The following SYK variants were observed in gnomAD, a reference collection of about 807,000 sequenced individuals.
SYK encodes the protein spleen associated tyrosine kinase.
Under a neutral mutation model 77.8 loss-of-function variants are expected in SYK, and 16 were observed. The ratio of observed to expected loss-of-function variants is 0.21; its 90% confidence interval spans 0.14 to 0.31. The LOEUF is 0.31. Among genes scored for constraint, SYK ranks in the 10% least tolerant of loss-of-function variants. SYK has a pLI of 1.00. For missense variants in SYK, 529 were observed against 814.4 expected (o/e 0.65, Z 4.26); for synonymous variants, 312 against 308.7 (o/e 1.01, Z -0.11).
At chr9:90,808,450 C>A (rs959994740) in intron 1 of SYK, among the ~76,000 whole-genome samples, 2 of 141,208 alleles carry the variant, frequency 1.4e-5, no homozygotes, top group South Asian at 2.3e-4. Flanking sequence ...GGTATTTCCA[C>A]GTGTGTGTTG....
intron 3 of SYK, among the ~76,000 whole-genome samples, chr9:90,847,937 T>C (rs1826660401): frequency 6.6e-6 from 1 of 152,244 alleles, no homozygotes; most frequent in Non-Finnish European, 1.5e-5. Context: ...AGGAAACACC[T>C]TGGAGGGGTT....
rs201479078 is a variant in SYK, at chr9:90,874,726, C to A, written c.1058C>A (p.Ala353Glu). ...MDTEVYESPY[A>E]DPEEIRPKEV... is the part of the protein sequence containing the mutation. ...ACAGAGGTGTACGAGAGCCCCTACG[C>A]GGACCCCGAGGAGATCAGGCCCAAG... The change falls in exon 9 of 14, where the codon GCG becomes GAG. Residue 353 changes from alanine (A) to glutamate (E), a missense_variant. Coordinates refer to ENST00000375754, the MANE Select transcript of SYK (RefSeq NM_003177.7). The A allele has an allele frequency of 3.7e-6, 6 of 1,614,150 alleles. No homozygotes were observed. Among genetic ancestry groups the A allele is most frequent in the Non-Finnish European group, 4.2e-6 (5 of 1,180,024 alleles).
At chr9:90,869,587 G>A (rs1827650137) in intron 7 of SYK, among the ~76,000 whole-genome samples, 1 of 152,186 alleles carries the variant, frequency 6.6e-6, no homozygotes, top group African/African-American at 2.4e-5. Flanking sequence ...GTCCCATCAT[G>A]TTAGCTAAGA....
rs202064642 is a variant in SYK, at chr9:90,844,126, C to T, written c.228C>T (p.Ile76=). The change falls in exon 2 of 14, where the codon ATC becomes ATT. Residue 76 remains isoleucine, a synonymous_variant. Transcript: ENST00000375754. The part of the protein sequence containing the change: ...IERELNGTYA[I]AGGRTHASPA... ...GGGAGCTGAATGGCACCTACGCCATCGCCGGTGGCAGGACCCATGCCAGCC... is the reference window on the plus strand; with the variant it reads ...GGGAGCTGAATGGCACCTACGCCATTGCCGGTGGCAGGACCCATGCCAGCC... 17 of 1,613,700 alleles carry T rather than the reference C, an allele frequency of 1.1e-5. No homozygotes were observed. The highest frequency in any genetic ancestry group is 6.7e-5 in the African/African-American group (5 of 74,944).
intron 1 of SYK, among the ~76,000 whole-genome samples, chr9:90,838,409 A>G (rs887455066): frequency 1.3e-5 from 2 of 152,234 alleles, no homozygotes; most frequent in African/African-American, 4.8e-5. Flanking sequence ...TTAGGCAGGG[A>G]AGGGAGGTAT....
At chr9:90,894,991 T>C (rs777709533) in intron 13 of SYK, among the ~76,000 whole-genome samples, 5 of 152,206 alleles carry the variant, frequency 3.3e-5, no homozygotes, top group Admixed American at 6.5e-5. Flanking sequence ...TAAGAACCCA[T>C]ATCAACAGCC....
At chr9:90,822,380 A>G (rs914099734) in intron 1 of SYK, among the ~76,000 whole-genome samples, 4 of 152,222 alleles carry the variant, frequency 2.6e-5, no homozygotes, top group African/African-American at 4.8e-5. Context: ...GTCCAGAAGT[A>G]GACAGATCAC....
chr9:90,893,377 TTC>T (rs1245208939), intron 13 of SYK, among the ~76,000 whole-genome samples: 3 of 152,190 alleles, frequency 2.0e-5, no homozygotes, highest in African/African-American at 7.2e-5. Context: ...TCCTAGTATA[TTC>T]TCTGTTTTGT....
At chr9:90,882,886 T>A (rs1037646470) in intron 11 of SYK, among the ~76,000 whole-genome samples, 1 of 151,862 alleles carries the variant, frequency 6.6e-6, no homozygotes, top group African/African-American at 2.4e-5. Context: ...AAATGAGAGA[T>A]CCCCAGGGCT....
At position 90,887,783 on chromosome 9, in the gene SYK, A is replaced by G. The variant is rs749583177; in HGVS notation, c.1616A>G (p.Tyr539Cys). ...CATGGAAAGTGGCCTGTCAAGTGGT[A>G]CGCTCCGGAATGCATCAACTACTAC... ...QTHGKWPVKW[Y>C]APECINYYKF... The change falls in exon 12 of 14, where the codon TAC becomes TGC. Residue 539 changes from tyrosine to cysteine, a missense_variant. Transcript: ENST00000375754. 6.2e-7 allele frequency: 1 copy of G among 1,613,206 alleles called. No homozygotes were observed. The highest frequency in any genetic ancestry group is 8.5e-7 in the Non-Finnish European group (1 of 1,179,574).
At chr9:90,803,653 G>A (rs1268733129) in intron 1 of SYK, among the ~76,000 whole-genome samples, 1 of 151,906 alleles carries the variant, frequency 6.6e-6, no homozygotes, top group Non-Finnish European at 1.5e-5. Flanking sequence ...AGACTTCTTA[G>A]TAGAACTTCA....
intron 3 of SYK, among the ~76,000 whole-genome samples, chr9:90,846,967 A>G (rs1285848546): frequency 6.6e-6 from 1 of 152,224 alleles, no homozygotes; most frequent in Non-Finnish European, 1.5e-5. Flanking sequence ...AGCATAATCC[A>G]CACGATGAGG....
intron 1 of SYK, among the ~76,000 whole-genome samples, chr9:90,843,459 T>G (rs1213330644): frequency 6.6e-6 from 1 of 152,060 alleles, no homozygotes; most frequent in African/African-American, 2.4e-5. Context: ...GGAGGAGCAG[T>G]TGGTTTGTTC....
At chr9:90,813,716 C>T (rs944612919) in intron 1 of SYK, among the ~76,000 whole-genome samples, 1 of 152,140 alleles carries the variant, frequency 6.6e-6, no homozygotes, top group Admixed American at 6.5e-5. Flanking sequence ...TACTGGTTAC[C>T]AGGGAATTGA....
In SYK at chr9:90,834,746, C is replaced by A. The variant is rs150619484; in HGVS notation, c.-41-9112C>A. On this transcript the variant is annotated intron_variant, in intron 1 of 13. Coordinates refer to ENST00000375754, the MANE Select transcript of SYK (RefSeq NM_003177.7). ...GCTTTCTTAGAACATTATGAGATTT[C>A]TTTCCCTTCTTTTCTGTAGTTCATC... Among the ~76,000 whole-genome samples, 9 of 152,338 alleles carry A rather than the reference C, an allele frequency of 5.9e-5. No homozygotes were observed. The East Asian group carries it at 1.7e-3, about 29-fold the overall frequency.
intron 1 of SYK, among the ~76,000 whole-genome samples, chr9:90,837,953 T>C (rs1232984225): frequency 6.6e-6 from 1 of 152,234 alleles, no homozygotes; most frequent in African/African-American, 2.4e-5. Context: ...CATTCCTTTC[T>C]GACTTGGTGA....
Position 90,884,461 on chromosome 9 carries a change from ATG to A in SYK, c.1582-3282_1582-3281del, listed in dbSNP as rs149868473. On this transcript the variant is annotated intron_variant, in intron 11 of 13. Transcript: ENST00000375754. The stretch of plus-strand genomic sequence containing the variant: ...TGTACATATACATACACATACACAT[ATG>A]TGTGTACATATACATACACACACAT... Among the ~76,000 whole-genome samples, 8 of 17,254 alleles carry A rather than the reference ATG, an allele frequency of 4.6e-4. 3 individuals are homozygous for A. Among genetic ancestry groups the A allele is most frequent in the Admixed American group, 1.1e-3 (2 of 1,806 alleles). 11.3% of individuals were successfully genotyped at this position (17,254 alleles called of 152,430 possible).
At chr9:90,871,720 T>C (rs1827733089) in intron 7 of SYK, among the ~76,000 whole-genome samples, 1 of 152,188 alleles carries the variant, frequency 6.6e-6, no homozygotes, top group South Asian at 2.1e-4. Context: ...CATTCTTTGC[T>C]CCAGTCCTGT....
chr9:90,865,304 T>C (rs1477978870), intron 6 of SYK, among the ~76,000 whole-genome samples: 1 of 151,964 alleles, frequency 6.6e-6, no homozygotes, highest in African/African-American at 2.4e-5. Context: ...TTTCTTTTTT[T>C]CTTTTGCTTT....
Sources: allele counts gnomAD v4.1 joint callset (sites outside exome capture counted in the v4.1 genomes callset), GRCh38; gene constraint gnomAD v4.1.1; transcripts MANE v1.5; gene names NCBI Gene and HGNC (gene_info 2026-07-23, HGNC 2026-07-21).